Variants in ELMO1 observed in about 807,000 individuals in gnomAD.
The protein encoded by ELMO1 is engulfment and cell motility protein 1.
ELMO1 carries 26 observed loss-of-function variants against 98.9 expected under a neutral mutation model. That is an observed-to-expected ratio of 0.26 (90% CI 0.19 to 0.36). ELMO1 has a LOEUF of 0.36. Among genes scored for constraint, ELMO1 ranks in the 10% least tolerant of loss-of-function variants. ELMO1 has a pLI of 1.00. For missense variants in ELMO1, 627 were observed against 935.2 expected (o/e 0.67, Z 4.30); for synonymous variants, 346 against 346.0 (o/e 1.00, Z 0.00).
rs559769689 is a variant in ELMO1, at chr7:37,204,150, G to A, written c.1086+7236C>T. On this transcript the variant is annotated intron_variant, in intron 13 of 21. Transcript: ENST00000310758. ...TTAGTCTCACCGCCTGGCGATGGGCGATGGTCCCATCTGGGTGGCCAAAAT... is the reference window on the plus strand; with the variant it reads ...TTAGTCTCACCGCCTGGCGATGGGCAATGGTCCCATCTGGGTGGCCAAAAT... The A allele has an allele frequency of 4.8e-5, 22 of 456,508 alleles. 1 individual carries two copies. Among genetic ancestry groups the A allele is most frequent in the South Asian group, 1.2e-4 (8 of 64,562 alleles). The allele number at this position is 456,508 out of a possible 1,614,324, so 28.3% of individuals were successfully genotyped here. A position where few individuals can be genotyped will look rare whatever the true frequency, so the allele number is the denominator to read the frequency against.
intron 15 of ELMO1, among the ~76,000 whole-genome samples, chr7:37,016,911 T>C (rs1793974689): frequency 6.6e-6 from 1 of 152,228 alleles, no homozygotes; most frequent in African/African-American, 2.4e-5. Flanking sequence ...CTTGCTTTCC[T>C]CATTCTGTTT....
chr7:37,417,683 C>CACACACACACACACACACACACAA (rs753914608), intron 1 of ELMO1, among the ~76,000 whole-genome samples: 1,642 of 146,258 alleles, frequency 0.011, 27 homozygotes, highest in South Asian at 0.019. Context: ...CACACACACA[C>CACACACACACACACACACACACAA]AAGCAAAAAT....
chr7:37,189,822 C>T (rs1055952343), intron 13 of ELMO1, among the ~76,000 whole-genome samples: 5 of 152,094 alleles, frequency 3.3e-5, no homozygotes, highest in African/African-American at 1.2e-4. Context: ...ATTTATAAAG[C>T]CTATGTCAGT....
At chr7:37,309,289 A>T (rs1210267832) in intron 4 of ELMO1, among the ~76,000 whole-genome samples, 1 of 152,166 alleles carries the variant, frequency 6.6e-6, no homozygotes, top group African/African-American at 2.4e-5. Context: ...CAAGAGACTT[A>T]TTCACTACCA....
intron 13 of ELMO1, among the ~76,000 whole-genome samples, chr7:37,187,074 A>C (rs899955989): frequency 2.0e-5 from 3 of 152,228 alleles, no homozygotes; most frequent in African/African-American, 7.2e-5. Context: ...TCAACTGATA[A>C]ACAGATAAAT....
chr7:36,942,978 A>T (rs926326237), intron 16 of ELMO1, among the ~76,000 whole-genome samples: 1 of 152,224 alleles, frequency 6.6e-6, no homozygotes, highest in African/African-American at 2.4e-5. Context: ...AGCAAAAATC[A>T]CCATGACCAG....
chr7:36,974,440 G>C (rs1790316162), intron 16 of ELMO1, among the ~76,000 whole-genome samples: 1 of 152,206 alleles, frequency 6.6e-6, no homozygotes, highest in African/African-American at 2.4e-5. Context: ...CCTGTGTCTA[G>C]CTCAGGGTTT....
intron 10 of ELMO1, among the ~76,000 whole-genome samples, chr7:37,220,406 G>A (rs1793527652): frequency 6.6e-6 from 1 of 152,058 alleles, no homozygotes; most frequent in Admixed American, 6.6e-5. Context: ...GTCTTTCTTA[G>A]TTGGAATCTT....
At chr7:37,314,978 T>C in intron 3 of ELMO1, 56 bp from the exon 4 acceptor site, 1 of 1,531,484 alleles carries the variant, frequency 6.5e-7, no homozygotes, top group Non-Finnish European at 8.9e-7. Context: ...TTTTCATTTT[T>C]ACAATTTTTT....
chr7:36,882,833 C>T (rs1055186493), intron 18 of ELMO1, among the ~76,000 whole-genome samples: 6 of 152,174 alleles, frequency 3.9e-5, no homozygotes, highest in Non-Finnish European at 5.9e-5. Context: ...CAGTCCCTCT[C>T]GTCCACACTA....
intron 1 of ELMO1, chr7:37,375,388 G>A: frequency 1.7e-6 from 1 of 588,976 alleles, no homozygotes; most frequent in Non-Finnish European, 3.0e-6. Flanking sequence ...GCAGGTCTTA[G>A]CAGAATTCAG....
chr7:37,161,972 G>A (rs1437700319), intron 13 of ELMO1, among the ~76,000 whole-genome samples: 1 of 121,854 alleles, frequency 8.2e-6, no homozygotes, highest in Non-Finnish European at 1.7e-5. Context: ...CATCTCAAGT[G>A]AGGTGAGTTT....
intron 16 of ELMO1, among the ~76,000 whole-genome samples, chr7:36,975,230 G>GA (rs1790421289): frequency 6.6e-6 from 1 of 152,214 alleles, no homozygotes; most frequent in African/African-American, 2.4e-5. Context: ...AGCACTTTGG[G>GA]AGGCCAAGGT....
chr7:37,342,798 A>G lies in ELMO1; in HGVS notation c.-73-35T>C. ...AATGACAGAAAAAGAAAGAGAAGTC[A>G]CTCAGTGCAGATGCAGGGTGAATTT... On this transcript the variant is annotated intron_variant, in intron 1 of 21. Transcript: ENST00000310758. The surrounding 1 kb of genome is among the most constrained non-coding windows in gnomAD (Gnocchi z 4.3). The G allele has an allele frequency of 9.5e-7, 1 of 1,055,064 alleles. No homozygotes were observed. The highest frequency in any genetic ancestry group is 2.5e-5 in the East Asian group (1 of 40,226). The allele number at this position is 1,055,064 out of a possible 1,614,324, so 65.4% of individuals were successfully genotyped here.
intron 1 of ELMO1, among the ~76,000 whole-genome samples, chr7:37,359,347 CT>C (rs1801612060): frequency 6.6e-6 from 1 of 152,190 alleles, no homozygotes; most frequent in South Asian, 2.1e-4. Context: ...TCACTACCTC[CT>C]AGCCTTGTGG....
intron 4 of ELMO1, among the ~76,000 whole-genome samples, chr7:37,306,570 GAA>G (rs1336864117): frequency 2.0e-5 from 3 of 152,290 alleles, no homozygotes; most frequent in African/African-American, 7.2e-5. Flanking sequence ...TGTTCCACTG[GAA>G]AGTGTTTGAG....
chr7:37,354,685 C>T lies in ELMO1; in HGVS notation c.-73-11922G>A, dbSNP rs530899832. On this transcript the variant is annotated intron_variant, in intron 1 of 21. Transcript: ENST00000310758. ...CTGTTGTAATGCCAGTGGCTGCTCC[C>T]TTCCTCCCAGCAAGCCTGTCACTCG... is the stretch of plus-strand genomic sequence containing the variant. 1.2e-4 allele frequency among the ~76,000 whole-genome samples: 18 copies of T among 152,316 alleles called. No homozygotes were observed. The South Asian group carries it at 3.3e-3, about 28-fold the overall frequency.
intron 15 of ELMO1, among the ~76,000 whole-genome samples, chr7:37,094,382 T>C (rs1303353005): frequency 1.3e-5 from 2 of 152,184 alleles, no homozygotes; most frequent in Non-Finnish European, 2.9e-5. Context: ...AGCCCACAAA[T>C]GGAGTTCTGC....
chr7:36,950,660 G>A (rs770294388), intron 16 of ELMO1, among the ~76,000 whole-genome samples: 1 of 152,186 alleles, frequency 6.6e-6, no homozygotes, highest in Non-Finnish European at 1.5e-5. Flanking sequence ...CCAGCAGACC[G>A]AGTCATTTAG....
Sources: gnomAD v4.1 joint callset for allele counts (sites outside exome capture counted in the v4.1 genomes callset) on GRCh38, gnomAD v4.1.1 for gene constraint, Gnocchi (gnomAD v3.1) non-coding constraint, MANE v1.5 for transcripts, NCBI Gene and HGNC (gene_info 2026-07-23, HGNC 2026-07-21) for gene names.